The following C17orf67 variants were observed in gnomAD, a reference collection of about 807,000 sequenced individuals.
C17orf67 encodes uncharacterized protein C17orf67.
In C17orf67, 12 loss-of-function variants were observed where a neutral mutation model predicts 11.2. The ratio of observed to expected loss-of-function variants is 1.07; its 90% CI spans 0.68 to 1.73. The LOEUF (loss-of-function observed/expected upper bound fraction) is 1.73. Among genes scored for constraint, C17orf67 ranks in the 40% most tolerant of loss-of-function variants. The probability of loss-of-function intolerance (pLI) is 0.00; values close to 1 mark genes in which losing one functional copy is unlikely to be tolerated. For missense variants in C17orf67, 115 were observed against 113.5 expected, an observed-to-expected ratio of 1.01 and a Z score of -0.06; for synonymous variants, 59 against 46.9, an observed-to-expected ratio of 1.26 and a Z score of -1.05.
chr17:56,809,469 T>C (rs1174416882), intron 6 of C17orf67, among the ~76,000 whole-genome samples: 1 of 151,548 alleles, frequency 6.6e-6, no homozygotes, highest in Non-Finnish European at 1.5e-5. Flanking sequence ...AAATACTCAG[T>C]AAGGCCTTTT....
intron 6 of C17orf67, among the ~76,000 whole-genome samples, chr17:56,802,725 C>T (rs1371788772): frequency 6.6e-6 from 1 of 152,232 alleles, no homozygotes; most frequent in Non-Finnish European, 1.5e-5. Flanking sequence ...TCTGAGTACA[C>T]ATCAAGATTG....
At chr17:56,816,345 T>C (rs370724032) in intron 4 of C17orf67, among the ~76,000 whole-genome samples, 1 of 152,174 alleles carries the variant, frequency 6.6e-6, no homozygotes, top group South Asian at 2.1e-4. Context: ...AGAGTTCAAA[T>C]CCTAGCTTCA....
intron 2 of C17orf67, among the ~76,000 whole-genome samples, chr17:56,827,698 G>A (rs1906074888): frequency 6.6e-6 from 1 of 152,188 alleles, no homozygotes; most frequent in Non-Finnish European, 1.5e-5. Flanking sequence ...GAGATGGTGG[G>A]GCTGCCGCCC....
At chr17:56,819,372 C>A (rs1436229005) in intron 4 of C17orf67, among the ~76,000 whole-genome samples, 1 of 152,186 alleles carries the variant, frequency 6.6e-6, no homozygotes, top group African/African-American at 2.4e-5. Flanking sequence ...CCCCCACCAC[C>A]ACCACTCTCC....
At chr17:56,794,149 C>G (rs994361908) in intron 7 of C17orf67, among the ~76,000 whole-genome samples, 2 of 152,162 alleles carry the variant, frequency 1.3e-5, no homozygotes, top group Admixed American at 6.5e-5. Flanking sequence ...GCATGCCCTG[C>G]AATGACACCA....
intron 6 of C17orf67, among the ~76,000 whole-genome samples, chr17:56,797,053 C>A (rs1046555848): frequency 2.6e-5 from 4 of 152,178 alleles, no homozygotes; most frequent in South Asian, 2.1e-4. Context: ...CTCCTCCCAA[C>A]AGCAGGGAGT....
At chr17:56,810,350 C>T (rs1733576135) in intron 6 of C17orf67, among the ~76,000 whole-genome samples, 1 of 148,536 alleles carries the variant, frequency 6.7e-6, no homozygotes, top group South Asian at 2.2e-4. Context: ...CACACCCTCA[C>T]ACACACACCC....
chr17:56,816,405 T>C (rs1905762624), intron 4 of C17orf67, among the ~76,000 whole-genome samples: 1 of 152,218 alleles, frequency 6.6e-6, no homozygotes, highest in South Asian at 2.1e-4. Flanking sequence ...CTTTCTGAAC[T>C]TCAGTTTCCT....
chr17:56,813,213 C>A (rs1214098269), intron 6 of C17orf67, among the ~76,000 whole-genome samples: 1 of 151,850 alleles, frequency 6.6e-6, no homozygotes, highest in Non-Finnish European at 1.5e-5. Context: ...AGAGCCCCCA[C>A]CCCCAACCCG....
At position 56,833,211 on chromosome 17, in the gene C17orf67, A is replaced by C. The variant is rs1906288968; in HGVS notation, c.-870T>G. On this transcript the variant is annotated 5_prime_UTR_variant, in exon 2 of 8. Coordinates refer to ENST00000397861, the MANE Select transcript of C17orf67 (RefSeq NM_001085430.4). ...CCGTGTTTCTTCGGGGGTGCTGAGC[A>C]GCGGTGCTTCCGCGTCCGCGTTCTC... 2 of 153,618 alleles carry C rather than the reference A, an allele frequency of 1.3e-5. No individual in the cohort carries two copies. The highest frequency in any genetic ancestry group is 1.3e-4 in the Admixed American group (2 of 15,284). The allele number at this position is 153,618 out of a possible 1,614,324, so 9.5% of individuals were successfully genotyped here.
chr17:56,804,087 G>T (rs902339413), intron 6 of C17orf67: 57 of 151,244 alleles, frequency 3.8e-4, no homozygotes, highest in African/African-American at 1.3e-3. Flanking sequence ...TTCTCCAAGT[G>T]GGGGGGTGTA....
intron 6 of C17orf67, among the ~76,000 whole-genome samples, chr17:56,805,491 C>T (rs569633439): frequency 6.6e-6 from 1 of 152,192 alleles, no homozygotes; most frequent in Admixed American, 6.5e-5. Flanking sequence ...TTCAAGATAC[C>T]ATAATCATGT....
At chr17:56,801,079 T>C (rs1213580949) in intron 6 of C17orf67, among the ~76,000 whole-genome samples, 1 of 152,256 alleles carries the variant, frequency 6.6e-6, no homozygotes, top group Non-Finnish European at 1.5e-5. Context: ...TTCTTTTATG[T>C]TCCCTCCAAA....
intron 2 of C17orf67, among the ~76,000 whole-genome samples, chr17:56,830,615 T>G (rs1422389412): frequency 1.3e-5 from 2 of 152,034 alleles, no homozygotes; most frequent in African/African-American, 4.8e-5. Flanking sequence ...CCACCACGCC[T>G]GGCTAATTTT....
intron 4 of C17orf67, among the ~76,000 whole-genome samples, chr17:56,824,276 T>A (rs1256993095): frequency 6.6e-6 from 1 of 152,360 alleles, no homozygotes; most frequent in South Asian, 2.1e-4. Context: ...ACACACTGGC[T>A]TGCCCTTCAG....
At chr17:56,795,014 CAG>C (rs1567791019) in intron 7 of C17orf67, 28 bp downstream of exon 7, 2 of 1,505,686 alleles carry the variant, frequency 1.3e-6, no homozygotes, top group Admixed American at 3.3e-5. Flanking sequence ...CTCCCTCAGA[CAG>C]AGGTCCGGGA....
At chr17:56,806,220 C>T (rs1260208649) in intron 6 of C17orf67, among the ~76,000 whole-genome samples, 2 of 151,954 alleles carry the variant, frequency 1.3e-5, no homozygotes, top group African/African-American at 4.8e-5. Flanking sequence ...ATGATCCGGC[C>T]GCCTCAGCCT....
At chr17:56,802,190 G>A (rs1430999284) in intron 6 of C17orf67, among the ~76,000 whole-genome samples, 6 of 151,992 alleles carry the variant, frequency 3.9e-5, no homozygotes, top group East Asian at 1.9e-4. Context: ...ATTAATTGTC[G>A]CCGTAGACTC....
At chr17:56,797,175 G>A (rs936047349) in intron 6 of C17orf67, among the ~76,000 whole-genome samples, 1 of 152,200 alleles carries the variant, frequency 6.6e-6, no homozygotes, top group African/African-American at 2.4e-5. Flanking sequence ...AGACTTTAAT[G>A]AAGGGAACAT....
Sources: allele counts gnomAD v4.1 joint callset (sites outside exome capture counted in the v4.1 genomes callset), GRCh38; gene constraint gnomAD v4.1.1; transcripts MANE v1.5; gene names NCBI Gene and HGNC (gene_info 2026-07-23, HGNC 2026-07-21).